UNC13C: variants seen among roughly 807,000 people sequenced by gnomAD.
UNC13C encodes the protein protein unc-13 homolog C.
UNC13C carries 174 observed loss-of-function variants against 245.4 expected under a neutral mutation model. That is an observed-to-expected ratio of 0.71 (90% CI 0.63 to 0.80). The LOEUF is 0.80. UNC13C is among the 30% of genes least tolerant of loss of function. The probability of loss-of-function intolerance (pLI) is 0.00; values close to 1 mark genes in which losing one functional copy is unlikely to be tolerated. For synonymous variants in UNC13C, 992 were observed against 895.1 expected, an observed-to-expected ratio of 1.11 and a Z score of -1.93; for missense variants, 2,829 against 2,602.9, an observed-to-expected ratio of 1.09 and a Z score of -1.89.
chr15:53,887,413 C>T, the UNC13C span, among the ~76,000 whole-genome samples: 1 of 152,066 alleles, frequency 6.6e-6, no homozygotes, highest in African/African-American at 2.4e-5. Flanking sequence ...ACACCCCAAA[C>T]CATTATATTA....
At chr15:54,490,826 A>G (rs1893667652) in intron 19 of UNC13C, among the ~76,000 whole-genome samples, 2 of 152,178 alleles carry the variant, frequency 1.3e-5, no homozygotes, top group African/African-American at 4.8e-5. Flanking sequence ...ATCCCATTTA[A>G]GTAAGAAAAA....
At chr15:54,401,467 T>C (rs542070462) in intron 18 of UNC13C, among the ~76,000 whole-genome samples, 8 of 152,272 alleles carry the variant, frequency 5.3e-5, no homozygotes, top group Non-Finnish European at 7.4e-5. Flanking sequence ...GAAACTAGGT[T>C]CACTCTCTGG....
At chr15:54,276,967 A>AT (rs892955688) in intron 10 of UNC13C, among the ~76,000 whole-genome samples, 47 of 152,202 alleles carry the variant, frequency 3.1e-4, no homozygotes, top group Admixed American at 6.5e-4. Flanking sequence ...TCTATAATTG[A>AT]TTTTTTTACC....
chr15:54,010,470 CAT>C (rs1368346395), intron 1 of UNC13C, among the ~76,000 whole-genome samples: 2 of 151,704 alleles, frequency 1.3e-5, no homozygotes, highest in Admixed American at 1.3e-4. Context: ...ATGAAAGAGA[CAT>C]GTGAATAGAG....
chr15:54,176,891 A>C (rs1356456908), intron 4 of UNC13C, among the ~76,000 whole-genome samples: 2 of 152,156 alleles, frequency 1.3e-5, no homozygotes, highest in African/African-American at 4.8e-5. Context: ...CATAAATGCT[A>C]CTGATAAAGA....
intron 2 of UNC13C, among the ~76,000 whole-genome samples, chr15:54,109,755 AG>A (rs1378711139): frequency 6.6e-6 from 1 of 152,172 alleles, no homozygotes; most frequent in African/African-American, 2.4e-5. Context: ...AATATGAGGT[AG>A]GGTCATTATG....
At chr15:54,551,209 C>G (rs1896722361) in intron 28 of UNC13C, among the ~76,000 whole-genome samples, 1 of 152,084 alleles carries the variant, frequency 6.6e-6, no homozygotes, top group African/African-American at 2.4e-5. Context: ...CATAACAGAC[C>G]TTCATTTCTG....
At chr15:54,413,611 G>A (rs1030710409) in intron 18 of UNC13C, among the ~76,000 whole-genome samples, 3 of 152,114 alleles carry the variant, frequency 2.0e-5, no homozygotes, top group Non-Finnish European at 4.4e-5. Context: ...TAAAGCTTCT[G>A]ATTTAAGTTT....
chr15:54,431,143 G>T (rs1414122560), intron 19 of UNC13C, among the ~76,000 whole-genome samples: 1 of 151,710 alleles, frequency 6.6e-6, no homozygotes, highest in African/African-American at 2.4e-5. Flanking sequence ...TTGAATGTTT[G>T]CATTTGTTAA....
At chr15:53,962,876 G>T in the UNC13C span, among the ~76,000 whole-genome samples, 6 of 152,128 alleles carry the variant, frequency 3.9e-5, no homozygotes, top group Non-Finnish European at 7.4e-5. Flanking sequence ...CACCTGAAGG[G>T]AATAACTAAT....
chr15:54,623,720 ATAAATCACTTTTAAAATTTCACTC>A, intron 31 of UNC13C, 51 bp from the exon 32 acceptor site: 1 of 1,424,970 alleles, frequency 7.0e-7, no homozygotes, highest in Non-Finnish European at 9.6e-7. Flanking sequence ...TTTTGGCTTC[ATAAATCACTTTTAAAATTTCACTC>A]TAAATTTCCA....
At chr15:54,429,503 C>G (rs147556725) in intron 19 of UNC13C, among the ~76,000 whole-genome samples, 2 of 151,596 alleles carry the variant, frequency 1.3e-5, no homozygotes, top group Non-Finnish European at 3.0e-5. Flanking sequence ...TATATTTAGC[C>G]TTAACATATT....
intron 4 of UNC13C, among the ~76,000 whole-genome samples, chr15:54,208,146 G>A (rs2034772586): frequency 1.3e-5 from 2 of 151,964 alleles, no homozygotes; most frequent in Admixed American, 6.6e-5. Flanking sequence ...GCAGGAAAAA[G>A]ATAGAAAGAG....
intron 2 of UNC13C, among the ~76,000 whole-genome samples, chr15:54,122,815 T>C (rs1450869471): frequency 1.3e-5 from 2 of 152,064 alleles, no homozygotes; most frequent in Admixed American, 1.3e-4. Context: ...AATATATTTC[T>C]TGTTGTTTGG....
At chr15:54,234,964 G>C in intron 4 of UNC13C, 66 bp from the exon 5 acceptor site, 1 of 1,383,402 alleles carries the variant, frequency 7.2e-7, no homozygotes, top group Non-Finnish European at 1.0e-6. Flanking sequence ...ACCATGAACA[G>C]TGGATGTTTT....
chr15:54,043,002 A>G (rs1035447549), intron 2 of UNC13C, among the ~76,000 whole-genome samples: 4 of 152,170 alleles, frequency 2.6e-5, no homozygotes, highest in Admixed American at 2.6e-4. Flanking sequence ...TTCAGCCTGG[A>G]AACATGACTG....
intron 17 of UNC13C, among the ~76,000 whole-genome samples, chr15:54,379,481 C>T (rs987222296): frequency 6.6e-6 from 1 of 152,050 alleles, no homozygotes. Context: ...TATAAGTTAT[C>T]TTTTATAGCC....
intron 4 of UNC13C, among the ~76,000 whole-genome samples, chr15:54,193,291 C>A (rs1379032001): frequency 6.6e-6 from 1 of 152,122 alleles, no homozygotes; most frequent in Non-Finnish European, 1.5e-5. Flanking sequence ...CACTTATGAC[C>A]ATGTGATATG....
intron 17 of UNC13C, among the ~76,000 whole-genome samples, chr15:54,361,002 T>C (rs2039217741): frequency 6.6e-6 from 1 of 152,180 alleles, no homozygotes; most frequent in African/African-American, 2.4e-5. Flanking sequence ...GCTGTCATCT[T>C]TCTCCAGATT....
Sources: allele counts gnomAD v4.1 joint callset (sites outside exome capture counted in the v4.1 genomes callset), GRCh38; gene constraint gnomAD v4.1.1; transcripts MANE v1.5; gene names NCBI Gene and HGNC (gene_info 2026-07-23, HGNC 2026-07-21).